Variants in TCF4 observed in about 807,000 individuals in gnomAD.
TCF4 encodes the protein transcription factor 4.
In TCF4, 3 loss-of-function variants were observed where a neutral mutation model predicts 82.1. The observed-to-expected ratio is 0.04, with a 90% CI of 0.02 to 0.09. The LOEUF (loss-of-function observed/expected upper bound fraction) is 0.09. Among genes scored for constraint, TCF4 ranks in the 10% least tolerant of loss-of-function variants. The pLI, the probability that TCF4 is intolerant of heterozygous loss-of-function variation, is 1.00. For synonymous variants in TCF4, 276 were observed against 309.6 expected, an observed-to-expected ratio of 0.89 and a Z score of 1.14; for missense variants, 518 against 852.7, an observed-to-expected ratio of 0.61 and a Z score of 4.89.
At chr18:55,631,354 ATAATGT>A in exon 2 of TCF4, 5 of 1,548,484 alleles carry the variant, frequency 3.2e-6, no homozygotes, top group Non-Finnish European at 4.4e-6. Flanking sequence ...CGTCCAAGAG[ATAATGT>A]TCTTAGATTG....
intron 3 of TCF4, among the ~76,000 whole-genome samples, chr18:55,538,918 G>C (rs974988227): frequency 5.3e-5 from 8 of 152,030 alleles, no homozygotes; most frequent in African/African-American, 1.9e-4. Flanking sequence ...CTCAGAAAAA[G>C]AAAGCAAATA....
intron 3 of TCF4, among the ~76,000 whole-genome samples, chr18:55,561,444 G>A (rs964584579): frequency 1.3e-5 from 2 of 152,080 alleles, no homozygotes; most frequent in Middle Eastern, 3.2e-3. Context: ...TAATTAATAA[G>A]TGAATGTGTA....
chr18:55,631,751 C>T (rs183011951), intron 1 of TCF4, among the ~76,000 whole-genome samples: 30 of 152,284 alleles, frequency 2.0e-4, no homozygotes, highest in African/African-American at 7.2e-4. Flanking sequence ...TAGTGGAATT[C>T]ATCCTGGTAG....
At chr18:55,588,464 G>C (rs754139664), upstream of TCF4, 2 of 1,534,234 alleles carry the variant, frequency 1.3e-6, no homozygotes, top group South Asian at 2.4e-5. Context: ...AAAATTCATC[G>C]AGCACCTCAT....
chr18:55,473,531 A>G (rs1047779960), intron 3 of TCF4, among the ~76,000 whole-genome samples: 1 of 152,158 alleles, frequency 6.6e-6, no homozygotes, highest in East Asian at 1.9e-4. Flanking sequence ...TCACTCCCAT[A>G]AACTGATTTT....
intron 8 of TCF4, among the ~76,000 whole-genome samples, chr18:55,283,123 A>C (rs1010202878): frequency 6.6e-6 from 1 of 152,112 alleles, no homozygotes; most frequent in Non-Finnish European, 1.5e-5. Context: ...TTTAACAAAA[A>C]TCTCTAGATA....
At chr18:55,511,605 G>C (rs1488188122) in intron 3 of TCF4, among the ~76,000 whole-genome samples, 2 of 152,022 alleles carry the variant, frequency 1.3e-5, no homozygotes, top group East Asian at 3.8e-4. Context: ...CAAATACCCT[G>C]AGTGATTACA....
chr18:55,365,249 G>GTATATA (rs375008306), intron 6 of TCF4, among the ~76,000 whole-genome samples: 5 of 127,422 alleles, frequency 3.9e-5, no homozygotes, highest in East Asian at 2.2e-4. Flanking sequence ...ATATGTGTGT[G>GTATATA]TATATATATA....
chr18:55,343,666 T>TG (rs1481244988), intron 8 of TCF4, among the ~76,000 whole-genome samples: 10 of 152,164 alleles, frequency 6.6e-5, no homozygotes, highest in African/African-American at 2.4e-4. Context: ...AGGGAGTATA[T>TG]GCTCAAGTAA....
At chr18:55,559,241 C>A (rs2097333898) in intron 3 of TCF4, among the ~76,000 whole-genome samples, 1 of 151,254 alleles carries the variant, frequency 6.6e-6, no homozygotes, top group South Asian at 2.1e-4. Flanking sequence ...GACCCATAAT[C>A]ACTTTTAGCA....
At chr18:55,467,739 C>G (rs2096063222) in intron 3 of TCF4, among the ~76,000 whole-genome samples, 1 of 152,136 alleles carries the variant, frequency 6.6e-6, no homozygotes, top group Non-Finnish European at 1.5e-5. Flanking sequence ...GCTAGGGTAC[C>G]AGGACACTGC....
intron 17 of TCF4, chr18:55,232,298 C>T: frequency 1.8e-6 from 1 of 567,770 alleles, no homozygotes; most frequent in South Asian, 2.2e-5. Context: ...AGCATTGGGT[C>T]CAGATTCATA....
rs1320828955 is a variant in TCF4, at chr18:55,633,488, T to C, written c.196-2100A>G. ...GACACCTCTGCCATGTCCTATTTGT[T>C]GCAAGCAAGTCACGAATTCCAGCCT... is the stretch of plus-strand genomic sequence containing the variant. On this transcript the variant is annotated intron_variant, in intron 1 of 20. Transcript: ENST00000398339. This position sits in a 1 kb window ranked among gnomAD's most constrained non-coding sequence, Gnocchi z 4.0. Among the ~76,000 whole-genome samples, 1 of 152,154 alleles carries C rather than the reference T, an allele frequency of 6.6e-6. No homozygotes were observed. Among genetic ancestry groups the C allele is most frequent in the Non-Finnish European group, 1.5e-5 (1 of 68,026 alleles).
rs78570312 is a variant in TCF4, at chr18:55,517,104, C to T, written c.146-52967G>A. On this transcript the variant is annotated intron_variant, in intron 3 of 19. Coordinates refer to ENST00000354452, the MANE Select transcript of TCF4 (RefSeq NM_001083962.2). ...TTGTGGGAAACGGTTATAATAAGAG[C>T]TCCTAATGAATAACACCATCCTTCA... Among the ~76,000 whole-genome samples, 92 of 152,266 alleles carry T rather than the reference C, an allele frequency of 6.0e-4. 1 individual carries two copies. Among genetic ancestry groups the T allele is most frequent in the African/African-American group, 2.1e-3 (88 of 41,552 alleles).
At chr18:55,429,119 A>G (rs1009949600) in intron 5 of TCF4, among the ~76,000 whole-genome samples, 1 of 152,336 alleles carries the variant, frequency 6.6e-6, no homozygotes, top group South Asian at 2.1e-4. Context: ...ATATAGGAAA[A>G]AAGAACCATC....
intron 2 of TCF4, among the ~76,000 whole-genome samples, chr18:55,617,677 CT>C (rs2097713446): frequency 6.6e-6 from 1 of 151,848 alleles, no homozygotes; most frequent in African/African-American, 2.4e-5. Flanking sequence ...CTATTTTATT[CT>C]TTTTGATGCT....
chr18:55,475,448 G>A (rs1349622137), intron 3 of TCF4, among the ~76,000 whole-genome samples: 4 of 152,114 alleles, frequency 2.6e-5, no homozygotes, highest in African/African-American at 9.7e-5. Flanking sequence ...TGATCACCTG[G>A]TCAAAGTGGC....
At chr18:55,587,989 G>A (rs2097668863) in intron 1 of TCF4, 49 bp downstream of exon 1, 2 of 960,004 alleles carry the variant, frequency 2.1e-6, no homozygotes, top group African/African-American at 1.8e-5. Flanking sequence ...CGAACCCCGC[G>A]CCGCCGGGCG....
Position 55,465,960 on chromosome 18 carries a change from T to C in TCF4, c.146-1823A>G, listed in dbSNP as rs569358856. On this transcript the variant is annotated intron_variant, in intron 3 of 19. Coordinates refer to ENST00000354452, the MANE Select transcript of TCF4 (RefSeq NM_001083962.2). ...CCATAAGATTTCAAATTGTTTGGAC[T>C]CATTTTATCTTTTCAATTTTAAAAG... Among the ~76,000 whole-genome samples, 10 of 152,312 alleles carry C rather than the reference T, an allele frequency of 6.6e-5. No homozygotes were observed. In the South Asian group the frequency reaches 1.9e-3, roughly 28 times the overall value.
Sources: gnomAD v4.1 joint callset for allele counts (sites outside exome capture counted in the v4.1 genomes callset) on GRCh38, gnomAD v4.1.1 for gene constraint, Gnocchi (gnomAD v3.1) non-coding constraint, MANE v1.5 for transcripts, NCBI Gene and HGNC (gene_info 2026-07-23, HGNC 2026-07-21) for gene names.